The following OR51B5 variants were observed in gnomAD, a reference collection of about 807,000 sequenced individuals.
OR51B5 encodes the protein olfactory receptor family 51 subfamily B member 5.
For synonymous variants in OR51B5, 186 were observed against 144.8 expected (o/e 1.28, Z -2.04); for missense variants, 456 against 374.6 (o/e 1.22, Z -1.79).
chr11:5,360,734 A>G (rs12292741), intron 1 of OR51B5, among the ~76,000 whole-genome samples: 22,480 of 149,572 alleles, frequency 0.15, 2,059 homozygotes, highest in Non-Finnish European at 0.21. Context: ...AAGACTTGGA[A>G]CCAACCCAAA....
At chr11:5,344,556 G>A (rs12288569), upstream of OR51B5, among the ~76,000 whole-genome samples, 1 of 77,224 alleles carries the variant, frequency 1.3e-5, no homozygotes, top group Non-Finnish European at 3.8e-5. Flanking sequence ...GAAGAGATTA[G>A]TCCTTTGAGA....
intron 1 of OR51B5, chr11:5,505,343 G>A (rs1254117912): frequency 2.3e-6 from 3 of 1,303,834 alleles, no homozygotes; most frequent in African/African-American, 1.5e-5. Flanking sequence ...CAGACCCAGA[G>A]AACTCACCTC....
chr11:5,398,268 T>C (rs1849911663), intron 1 of OR51B5, among the ~76,000 whole-genome samples: 1 of 152,186 alleles, frequency 6.6e-6, no homozygotes, highest in East Asian at 1.9e-4. Context: ...ATAAATACTA[T>C]TACACTCATT....
At chr11:5,368,148 T>G (rs1040230543) in intron 1 of OR51B5, among the ~76,000 whole-genome samples, 1 of 152,236 alleles carries the variant, frequency 6.6e-6, no homozygotes, top group Non-Finnish European at 1.5e-5. Flanking sequence ...AACCAATAAC[T>G]TAACTATGAA....
chr11:5,489,355 A>G (rs748127655), intron 1 of OR51B5: 1 of 1,613,978 alleles, frequency 6.2e-7, no homozygotes, highest in Non-Finnish European at 8.5e-7. Context: ...TTCCATTCTC[A>G]TTGCCATTTC....
chr11:5,431,991 A>C (rs1850541000), intron 1 of OR51B5, among the ~76,000 whole-genome samples: 1 of 152,256 alleles, frequency 6.6e-6, no homozygotes, highest in Non-Finnish European at 1.5e-5. Flanking sequence ...TAGGATATTC[A>C]TCACCTTGAG....
intron 1 of OR51B5, among the ~76,000 whole-genome samples, chr11:5,465,161 C>A (rs1171684647): frequency 2.1e-5 from 3 of 140,780 alleles, no homozygotes; most frequent in South Asian, 4.6e-4. Context: ...AGCCGAGATC[C>A]CGCCACTGCA....
chr11:5,422,602 T>G (rs570435011), intron 1 of OR51B5: 1 of 1,614,152 alleles, frequency 6.2e-7, no homozygotes, highest in Non-Finnish European at 8.5e-7. Context: ...CCCTCCATTA[T>G]GCCTCCATCC....
chr11:5,351,512 G>T, intron 1 of OR51B5: 1 of 1,607,988 alleles, frequency 6.2e-7, no homozygotes, highest in Non-Finnish European at 8.5e-7. Flanking sequence ...CTGGCAATGG[G>T]GCTCAATAAG....
intron 1 of OR51B5, among the ~76,000 whole-genome samples, chr11:5,440,175 A>G (rs925683539): frequency 6.6e-6 from 1 of 152,146 alleles, no homozygotes; most frequent in Non-Finnish European, 1.5e-5. Flanking sequence ...TCTCTCTTTA[A>G]TATTTATTAT....
intron 1 of OR51B5, among the ~76,000 whole-genome samples, chr11:5,499,546 G>A (rs1851690996): frequency 6.6e-6 from 1 of 152,216 alleles, no homozygotes; most frequent in South Asian, 2.1e-4. Flanking sequence ...GTCTAACAGG[G>A]ACCTCAACTA....
intron 1 of OR51B5, chr11:5,453,528 C>T: frequency 6.3e-7 from 1 of 1,589,396 alleles, no homozygotes. Context: ...ATTCTTCCTC[C>T]TGACTGGTAT....
In OR51B5 at chr11:5,367,811, C is replaced by T. The variant is rs916453721; in HGVS notation, n.85-20901G>A. 9.9e-5 allele frequency among the ~76,000 whole-genome samples: 15 copies of T among 152,166 alleles called. 1 individual carries two copies. The highest frequency in any genetic ancestry group is 1.8e-4 in the Non-Finnish European group (12 of 68,024). On this transcript the variant is annotated intron_variant and non_coding_transcript_variant, in intron 1 of 4. Transcript: ENST00000415970. Reference sequence around the variant, plus strand: ...ATGTTGTTTCTGGTATGCTAGCACCCAGAATAGAGGCACTTGCACAATATA... The same window carrying T: ...ATGTTGTTTCTGGTATGCTAGCACCTAGAATAGAGGCACTTGCACAATATA...
At chr11:5,432,249 C>T (rs371414931) in intron 1 of OR51B5, among the ~76,000 whole-genome samples, 1 of 152,180 alleles carries the variant, frequency 6.6e-6, no homozygotes, top group South Asian at 2.1e-4. Context: ...TTAGCTCCCA[C>T]ATTTGAGCAG....
Position 5,416,529 on chromosome 11 carries a change from C to G in OR51B5, n.85-69619G>C, listed in dbSNP as rs1850246029. Among the ~76,000 whole-genome samples, 3 of 151,678 alleles carry G rather than the reference C, an allele frequency of 2.0e-5. No individual in the cohort carries two copies. In the South Asian group the frequency reaches 6.3e-4, roughly 32 times the overall value. ...ACATGATTGTATATCTAGAAAACCC[C>G]ATTGTCTCAGCCCAAAATCTCCTTA... On this transcript the variant is annotated intron_variant and non_coding_transcript_variant, in intron 1 of 4. Transcript: ENST00000415970.
intron 1 of OR51B5, among the ~76,000 whole-genome samples, chr11:5,474,372 G>T (rs1045064509): frequency 6.6e-6 from 1 of 152,028 alleles, no homozygotes; most frequent in African/African-American, 2.4e-5. Context: ...GGAGATAAAG[G>T]CGAACAACAC....
chr11:5,420,929 G>A (rs567420402), intron 1 of OR51B5, among the ~76,000 whole-genome samples: 1 of 152,148 alleles, frequency 6.6e-6, no homozygotes, highest in South Asian at 2.1e-4. Context: ...TGAAATTGAT[G>A]CACAATATTT....
chr11:5,465,553 A>C (rs1256628624), intron 1 of OR51B5, among the ~76,000 whole-genome samples: 3 of 150,396 alleles, frequency 2.0e-5, no homozygotes, highest in Admixed American at 1.3e-4. Flanking sequence ...CCTGACTTCA[A>C]ACTATACTAC....
intron 1 of OR51B5, among the ~76,000 whole-genome samples, chr11:5,478,895 T>G (rs1486275593): frequency 6.6e-6 from 1 of 150,700 alleles, no homozygotes; most frequent in Non-Finnish European, 1.5e-5. Context: ...TTGGTGGACC[T>G]GAAAGTGATG....
Sources: allele counts gnomAD v4.1 joint callset (sites outside exome capture counted in the v4.1 genomes callset), GRCh38; gene constraint gnomAD v4.1.1; transcripts MANE v1.5; gene names NCBI Gene and HGNC (gene_info 2026-07-23, HGNC 2026-07-21).